GOLM2: variants seen among roughly 807,000 people sequenced by gnomAD.
The protein encoded by GOLM2 is golgi membrane protein 2, also known as protein GOLM2.
GOLM2 carries 26 observed loss-of-function variants against 55.9 expected under a neutral mutation model. The ratio of observed to expected loss-of-function variants is 0.47; its 90% CI spans 0.34 to 0.65. GOLM2 has a LOEUF of 0.65. GOLM2 is among the 30% of genes least tolerant of loss of function. GOLM2 has a pLI of 0.01. For synonymous variants in GOLM2, 165 were observed against 194.6 expected, an observed-to-expected ratio of 0.85 and a Z score of 1.27; for missense variants, 486 against 531.8, an observed-to-expected ratio of 0.91 and a Z score of 0.85.
chr15:44,290,427 C>T (rs556371780), intron 1 of GOLM2, among the ~76,000 whole-genome samples: 23 of 152,276 alleles, frequency 1.5e-4, no homozygotes, highest in African/African-American at 5.3e-4. Flanking sequence ...ATTAAACTGT[C>T]TGTGAGCTTC....
At chr15:44,298,335 C>G (rs1283695922) in intron 1 of GOLM2, among the ~76,000 whole-genome samples, 1 of 149,760 alleles carries the variant, frequency 6.7e-6, no homozygotes, top group Non-Finnish European at 1.5e-5. Context: ...GCGATCTCAG[C>G]TTACTGCAAC....
chr15:44,291,099 A>T (rs1595608626), intron 1 of GOLM2, among the ~76,000 whole-genome samples: 1 of 140,042 alleles, frequency 7.1e-6, no homozygotes. Flanking sequence ...CACCATGCCC[A>T]GCCTCTTTTT....
chr15:44,397,104 G>T (rs1425210048), intron 8 of GOLM2, among the ~76,000 whole-genome samples: 2 of 152,048 alleles, frequency 1.3e-5, no homozygotes, highest in African/African-American at 2.4e-5. Flanking sequence ...TAACAGTTTT[G>T]TTACGGAGCA....
At chr15:44,385,125 G>A (rs2079433831) in intron 8 of GOLM2, among the ~76,000 whole-genome samples, 1 of 152,096 alleles carries the variant, frequency 6.6e-6, no homozygotes, top group East Asian at 1.9e-4. Context: ...CTATCGAATA[G>A]TGCTTCTATG....
intron 6 of GOLM2, among the ~76,000 whole-genome samples, chr15:44,352,052 C>A (rs1273981209): frequency 6.6e-6 from 1 of 151,922 alleles, no homozygotes; most frequent in Non-Finnish European, 1.5e-5. Context: ...ACATTCTTCC[C>A]AGAAATGGAA....
Position 44,333,093 on chromosome 15 carries a change from C to T in GOLM2, c.576+1015C>T, listed in dbSNP as rs576929637. On this transcript the variant is annotated intron_variant, in intron 4 of 9. Coordinates refer to ENST00000299957, the MANE Select transcript of GOLM2 (RefSeq NM_138423.4). Reference sequence around the variant, plus strand: ...GACTACAGGCGCCTGCCACCACGCCCGGCTAATTTTTTGTATTTTTAGTAG... The same window carrying T: ...GACTACAGGCGCCTGCCACCACGCCTGGCTAATTTTTTGTATTTTTAGTAG... Among the ~76,000 whole-genome samples, 373 of 152,192 alleles carry T rather than the reference C, an allele frequency of 2.5e-3. 2 individuals carry two copies. The highest frequency in any genetic ancestry group is 8.5e-3 in the African/African-American group (354 of 41,526).
At chr15:44,378,131 C>G (rs976932154) in intron 6 of GOLM2, among the ~76,000 whole-genome samples, 1 of 151,408 alleles carries the variant, frequency 6.6e-6, no homozygotes, top group African/African-American at 2.4e-5. Context: ...TCACTGCAAG[C>G]TCTGCGTCCC....
rs1031039824 is a variant in GOLM2, at chr15:44,288,742, T to C, written c.-288T>C. 2.3e-5 allele frequency: 10 copies of C among 434,058 alleles called. No individual in the cohort carries two copies. Among genetic ancestry groups the C allele is most frequent in the Non-Finnish European group, 3.7e-5 (9 of 243,464 alleles). 26.9% of individuals were successfully genotyped at this position (434,058 alleles called of 1,614,324 possible). On this transcript the variant is annotated 5_prime_UTR_variant, in exon 1 of 10. Coordinates refer to ENST00000299957, the MANE Select transcript of GOLM2 (RefSeq NM_138423.4). ...TCCCCGCCTCCCAACCGTGAGGTGTTGGGTTTGGGGGACGCTGGCAGCTGG... is the reference window on the plus strand; with the variant it reads ...TCCCCGCCTCCCAACCGTGAGGTGTCGGGTTTGGGGGACGCTGGCAGCTGG...
chr15:44,299,169 C>T (rs2078779205), intron 1 of GOLM2, among the ~76,000 whole-genome samples: 1 of 152,194 alleles, frequency 6.6e-6, no homozygotes, highest in African/African-American at 2.4e-5. Context: ...CATCCTCTAG[C>T]ACTGTGAGAC....
rs527867549 is a variant in GOLM2 at position 44,341,532 on chromosome 15, A to G, written c.802+3215A>G. Among the ~76,000 whole-genome samples the G allele has an allele frequency of 3.9e-5, 6 of 152,254 alleles. No individual in the cohort carries two copies. In the East Asian group the frequency reaches 9.7e-4, roughly 24 times the overall value. On this transcript the variant is annotated intron_variant, in intron 6 of 9. Coordinates refer to ENST00000299957, the MANE Select transcript of GOLM2 (RefSeq NM_138423.4). ...ATGAAATGGGAATACAAGAGATCTT[A>G]GAGATCTTGTCTTGACCATTATTAG...
At chr15:44,347,358 C>T (rs1040669873) in intron 6 of GOLM2, among the ~76,000 whole-genome samples, 3 of 152,182 alleles carry the variant, frequency 2.0e-5, no homozygotes, top group Non-Finnish European at 4.4e-5. Flanking sequence ...AGACACCACC[C>T]CCCAACCCCT....
At chr15:44,344,287 G>GTGTATATATATATATATATA (rs1254503455) in intron 6 of GOLM2, among the ~76,000 whole-genome samples, 4 of 138,312 alleles carry the variant, frequency 2.9e-5, no homozygotes, top group African/African-American at 1.1e-4. Flanking sequence ...ATATGTGTGT[G>GTGTATATATATATATATATA]TATATATATA....
intron 6 of GOLM2, among the ~76,000 whole-genome samples, chr15:44,358,785 T>C (rs1028126557): frequency 1.3e-5 from 2 of 152,178 alleles, no homozygotes; most frequent in African/African-American, 4.8e-5. Context: ...ACCTTGGGTA[T>C]GGCAATGACT....
intron 8 of GOLM2, among the ~76,000 whole-genome samples, chr15:44,392,202 G>A (rs1276043522): frequency 6.6e-6 from 1 of 151,970 alleles, no homozygotes; most frequent in African/African-American, 2.4e-5. Flanking sequence ...TAAACTTTCA[G>A]AGAATTGAAA....
chr15:44,368,388 G>A (rs1034597994), intron 6 of GOLM2, among the ~76,000 whole-genome samples: 7 of 148,348 alleles, frequency 4.7e-5, no homozygotes, highest in African/African-American at 1.7e-4. Flanking sequence ...CTAACCTCAA[G>A]TGAGCCACCA....
Position 44,402,975 on chromosome 15 carries a change from T to A in GOLM2, c.1161T>A (p.Gly387=). ...ADYNGDDGNV[G]EYEADKQAEL... is the part of the protein sequence containing the mutation. ...ATAATGGGGATGATGGTAACGTAGG[T>A]GAGTATGAGGCAGACAAGCAGGCTG... Residue 387 remains glycine, a synonymous_variant, in exon 9 of 10, where the codon GGT becomes GGA. Coordinates refer to ENST00000299957, the MANE Select transcript of GOLM2 (RefSeq NM_138423.4). 6.2e-7 allele frequency: 1 copy of A among 1,613,758 alleles called. No individual in the cohort carries two copies. The highest frequency in any genetic ancestry group is 8.5e-7 in the Non-Finnish European group (1 of 1,179,956).
At chr15:44,303,963 T>TA (rs1335004183) in intron 1 of GOLM2, among the ~76,000 whole-genome samples, 1 of 151,430 alleles carries the variant, frequency 6.6e-6, no homozygotes, top group African/African-American at 2.4e-5. Context: ...CTCCTGACCT[T>TA]AAGTGATCCG....
chr15:44,340,157 C>A (rs1333765478), intron 6 of GOLM2, among the ~76,000 whole-genome samples: 1 of 152,128 alleles, frequency 6.6e-6, no homozygotes, highest in African/African-American at 2.4e-5. Flanking sequence ...CAAGGTCTCA[C>A]CATGTTGCCC....
chr15:44,327,539 G>A (rs1293785629), intron 2 of GOLM2, among the ~76,000 whole-genome samples: 1 of 152,078 alleles, frequency 6.6e-6, no homozygotes, highest in African/African-American at 2.4e-5. Flanking sequence ...GGTACATTAT[G>A]GCTAGATGTT....
Sources: allele counts gnomAD v4.1 joint callset (sites outside exome capture counted in the v4.1 genomes callset), GRCh38; gene constraint gnomAD v4.1.1; transcripts MANE v1.5; gene names NCBI Gene and HGNC (gene_info 2026-07-23, HGNC 2026-07-21).